The following PCDHA2 variants were observed in gnomAD, a reference collection of about 807,000 sequenced individuals.
PCDHA2 encodes the protein protocadherin alpha 2.
A neutral mutation model predicts 66.0 loss-of-function variants in PCDHA2; 58 were observed. The observed-to-expected ratio is 0.88, with a 90% CI of 0.71 to 1.09. The LOEUF (loss-of-function observed/expected upper bound fraction) is 1.09, where lower values mean the gene tolerates loss of function less well. Ranked by LOEUF, PCDHA2 falls within the 50% of genes least tolerant of loss-of-function variation. The pLI is 0.00. For synonymous variants in PCDHA2, 634 were observed against 554.0 expected, an observed-to-expected ratio of 1.14 and a Z score of -2.03; for missense variants, 1,267 against 1,242.3, an observed-to-expected ratio of 1.02 and a Z score of -0.30.
intron 1 of PCDHA2, chr5:140,821,907 T>C: frequency 6.2e-7 from 1 of 1,614,212 alleles, no homozygotes; most frequent in Non-Finnish European, 8.5e-7. Context: ...GAACCTTCGT[T>C]GGCCGCATCG....
chr5:140,876,868 G>T, intron 1 of PCDHA2: 1 of 1,614,160 alleles, frequency 6.2e-7, no homozygotes, highest in Non-Finnish European at 8.5e-7. Flanking sequence ...GTTCGTGAAG[G>T]AGAACAACCC....
In PCDHA2 at chr5:140,927,982, G is replaced by T. The variant is rs114786796; in HGVS notation, c.2389-50967G>T. 280 of 1,614,224 alleles carry T rather than the reference G, an allele frequency of 1.7e-4. No individual in the cohort carries two copies. The African/African-American group carries it at 3.0e-3, about 17-fold the overall frequency. On this transcript the variant is annotated intron_variant, in intron 1 of 3. Transcript: ENST00000526136. ...TGGCACAGTGATTGCTCTCTTTAGT[G>T]TAAAGGATGAAGACCTCGATTCTAA...
rs781878255 is a variant in PCDHA2 at position 140,856,536 on chromosome 5, A to G, written c.2388+59184A>G. 8.1e-6 allele frequency: 13 copies of G among 1,598,388 alleles called. 1 individual carries two copies. The East Asian group carries it at 2.2e-4, about 27-fold the overall frequency. ...GGCGCATCTGATGCGGATGTTGGAG[A>G]GAACGCATTGCTTACTTACAAACTC... is the stretch of plus-strand genomic sequence containing the variant. On this transcript the variant is annotated intron_variant, in intron 1 of 3. Transcript: ENST00000526136.
At position 140,967,080 on chromosome 5, in the gene PCDHA2, T is replaced by C. The variant is rs781942171; in HGVS notation, c.2389-11869T>C. On this transcript the variant is annotated intron_variant, in intron 1 of 3. Transcript: ENST00000526136. The stretch of plus-strand genomic sequence containing the variant: ...GGAGCGCTCTTCGTCAACGAGCGCA[T>C]TGATCGGGAGGCGCTGTGTGAGCAG... 168 of 1,613,222 alleles carry C rather than the reference T, an allele frequency of 1.0e-4. No homozygotes were observed. The highest frequency in any genetic ancestry group is 3.7e-4 in the Admixed American group (22 of 60,010).
intron 1 of PCDHA2, chr5:140,927,071 GCCA>G (rs2083808355): frequency 4.3e-6 from 7 of 1,610,970 alleles, no homozygotes; most frequent in Non-Finnish European, 5.9e-6. Flanking sequence ...TTCCTTTCCA[GCCA>G]CCGCGAGCTC....
At chr5:140,923,221 TTTGAGCCCAGAA>T (rs1584298069) in intron 1 of PCDHA2, among the ~76,000 whole-genome samples, 1 of 71,862 alleles carries the variant, frequency 1.4e-5, no homozygotes, top group Non-Finnish European at 3.3e-5. Flanking sequence ...GAAAGGATCG[TTTGAGCCCAGAA>T]GTTTGAGACC....
Position 140,797,313 on chromosome 5 carries a change from A to G in PCDHA2, c.2349A>G (p.Ala783=), listed in dbSNP as rs1581625889. ...SPSLSQGPDS[A]EEKQLSESEY... ...GCTTATCTCAAGGTCCAGACTCCGC[A>G]GAAGAGAAACAGCTCTCAGAATCAG... The change falls in exon 1 of 4, where the codon GCA becomes GCG. Residue 783 remains alanine, a synonymous_variant. Transcript: ENST00000526136. 1.9e-6 allele frequency: 3 copies of G among 1,614,226 alleles called. No homozygotes were observed. The highest frequency in any genetic ancestry group is 4.5e-5 in the East Asian group (2 of 44,878).
chr5:140,870,447 C>T (rs1554164277), intron 1 of PCDHA2: 15 of 1,614,216 alleles, frequency 9.3e-6, no homozygotes, highest in Non-Finnish European at 9.3e-6. Flanking sequence ...CCGACGTGAA[C>T]GACAATGCGC....
At chr5:140,835,793 G>T in intron 1 of PCDHA2, 1 of 1,613,102 alleles carries the variant, frequency 6.2e-7, no homozygotes, top group Non-Finnish European at 8.5e-7. Flanking sequence ...ACAACCCGCC[G>T]GGCTGCCACA....
Position 140,965,562 on chromosome 5 carries a change from A to G in PCDHA2, c.2389-13387A>G, listed in dbSNP as rs548302746. 1.9e-4 allele frequency among the ~76,000 whole-genome samples: 29 copies of G among 152,242 alleles called. No homozygotes were observed. In the South Asian group the frequency reaches 6.0e-3, roughly 32 times the overall value. On this transcript the variant is annotated intron_variant, in intron 1 of 3. Coordinates refer to ENST00000526136, the MANE Select transcript of PCDHA2 (RefSeq NM_018905.3). ...AATTCCAGCCTGGCTTAGGAGATCA[A>G]CAGTAACGCTCTTGATTTAATGGTT...
chr5:140,972,754 C>T (rs782389999), intron 1 of PCDHA2, among the ~76,000 whole-genome samples: 1 of 151,316 alleles, frequency 6.6e-6, no homozygotes, highest in African/African-American at 2.4e-5. Flanking sequence ...ACCTCCGCCT[C>T]CCAAGTTAAA....
At chr5:140,811,726 T>G (rs1214994996) in intron 1 of PCDHA2, 1 of 152,244 alleles carries the variant, frequency 6.6e-6, no homozygotes, top group Non-Finnish European at 1.5e-5. Flanking sequence ...ATTGTGGTTT[T>G]GATTTGCATT....
At chr5:140,994,248 G>A (rs188394827) in intron 3 of PCDHA2, among the ~76,000 whole-genome samples, 1 of 152,238 alleles carries the variant, frequency 6.6e-6, no homozygotes, top group East Asian at 1.9e-4. Flanking sequence ...TCAAACCCTA[G>A]GTAAATAAGG....
intron 1 of PCDHA2, chr5:140,822,738 C>A: frequency 1.9e-6 from 3 of 1,613,298 alleles, no homozygotes; most frequent in Non-Finnish European, 2.5e-6. Context: ...ATATTGATGC[C>A]ATGGATAAAA....
chr5:140,928,861 A>C (rs781787998), intron 1 of PCDHA2: 3 of 1,614,164 alleles, frequency 1.9e-6, no homozygotes, highest in Non-Finnish European at 2.5e-6. Context: ...TGTGCTGTTG[A>C]GCAACTCTGT....
intron 1 of PCDHA2, chr5:140,870,038 A>G (rs1268813918): frequency 8.1e-6 from 13 of 1,613,620 alleles, no homozygotes; most frequent in Non-Finnish European, 1.1e-5. Flanking sequence ...TATGAAGAAA[A>G]CAAGTTTTAT....
chr5:140,844,476 CTA>C (rs2150371659), intron 1 of PCDHA2, among the ~76,000 whole-genome samples: 3,169 of 149,252 alleles, frequency 0.021, 219 homozygotes, highest in African/African-American at 0.04. Context: ...TTTTGAGCCT[CTA>C]TGTTTAGGAA....
At chr5:140,801,665 C>A (rs781995261) in intron 1 of PCDHA2, 32 of 1,614,094 alleles carry the variant, frequency 2.0e-5, no homozygotes, top group Non-Finnish European at 2.7e-5. Flanking sequence ...CGCTAGAGGG[C>A]GCATCAGATG....
intron 1 of PCDHA2, among the ~76,000 whole-genome samples, chr5:140,978,326 G>A: frequency 6.6e-6 from 1 of 152,202 alleles, no homozygotes; most frequent in East Asian, 1.9e-4. Flanking sequence ...ACAAGTACAA[G>A]TTTATGAAAA....
Sources: allele counts gnomAD v4.1 joint callset (sites outside exome capture counted in the v4.1 genomes callset), GRCh38; gene constraint gnomAD v4.1.1; transcripts MANE v1.5; gene names NCBI Gene and HGNC (gene_info 2026-07-23, HGNC 2026-07-21).